EVI5: variants seen among roughly 807,000 people sequenced by gnomAD.
The protein encoded by EVI5 is ecotropic viral integration site 5 protein homolog.
A neutral mutation model predicts 112.0 loss-of-function variants in EVI5; 73 were observed. The observed-to-expected ratio is 0.65, with a 90% CI of 0.54 to 0.79. The LOEUF (loss-of-function observed/expected upper bound fraction) is 0.79. EVI5 is among the 30% of genes least tolerant of loss of function. The pLI, the probability that EVI5 is intolerant of heterozygous loss-of-function variation, is 0.00. For synonymous variants in EVI5, 305 were observed against 319.9 expected, an observed-to-expected ratio of 0.95 and a Z score of 0.50; for missense variants, 900 against 968.8, an observed-to-expected ratio of 0.93 and a Z score of 0.94.
chr1:92,656,540 CAGA>C (rs1160196722), intron 13 of EVI5, among the ~76,000 whole-genome samples: 1 of 151,438 alleles, frequency 6.6e-6, no homozygotes, highest in Admixed American at 6.6e-5. Context: ...AAGACCATAG[CAGA>C]ACTAAATGAA....
intron 2 of EVI5, among the ~76,000 whole-genome samples, chr1:92,708,933 G>C (rs1412649374): frequency 6.6e-6 from 1 of 152,102 alleles, no homozygotes; most frequent in Non-Finnish European, 1.5e-5. Flanking sequence ...GCTGCTGAGG[G>C]TTGTAGTAGG....
At chr1:92,638,213 A>G (rs1425426321) in intron 13 of EVI5, among the ~76,000 whole-genome samples, 1 of 152,194 alleles carries the variant, frequency 6.6e-6, no homozygotes, top group Non-Finnish European at 1.5e-5. Flanking sequence ...GGCATAAACC[A>G]ACTAATCCAA....
rs528222312 is a variant in EVI5 at position 92,712,243 on chromosome 1, T to A, written c.150-7499A>T. ...AGAAATACTGTAACAATGAGAGAAT[T>A]CAGAGAAGACACAAGGAATTAGGAC... On this transcript the variant is annotated intron_variant, in intron 2 of 19. Transcript: ENST00000684568. 8.5e-5 allele frequency among the ~76,000 whole-genome samples: 13 copies of A among 152,198 alleles called. No individual in the cohort carries two copies. The South Asian group carries it at 2.7e-3, about 32-fold the overall frequency.
intron 14 of EVI5, among the ~76,000 whole-genome samples, chr1:92,626,741 A>C (rs1336469688): frequency 6.6e-6 from 1 of 152,160 alleles, no homozygotes; most frequent in Non-Finnish European, 1.5e-5. Context: ...ACAGGATTAA[A>C]ATTTTTTTCA....
intron 18 of EVI5, among the ~76,000 whole-genome samples, chr1:92,578,579 G>A (rs530332033): frequency 8.2e-4 from 125 of 152,088 alleles, no homozygotes; most frequent in African/African-American, 2.7e-3. Context: ...TTAGCTGGGC[G>A]TGGTGGCGGG....
chr1:92,523,015 T>G (rs1356027445), intron 19 of EVI5, among the ~76,000 whole-genome samples: 1 of 152,154 alleles, frequency 6.6e-6, no homozygotes, highest in Non-Finnish European at 1.5e-5. Flanking sequence ...CACCTCAGCC[T>G]TCCAAGGTGG....
In EVI5 at chr1:92,778,574, A is replaced by C. The variant is rs950613420; in HGVS notation, c.-82+6262T>G. Among the ~76,000 whole-genome samples, 5 of 152,264 alleles carry C rather than the reference A, an allele frequency of 3.3e-5. No homozygotes were observed. In the East Asian group the frequency reaches 9.7e-4, roughly 29 times the overall value. ...ACAACCAGACCTCAACTCTCCAAGC[A>C]GAAAACTGGAAGATACTCTCTGGAA... On this transcript the variant is annotated intron_variant, in intron 1 of 19. Coordinates refer to ENST00000684568, the MANE Select transcript of EVI5 (RefSeq NM_001350197.2).
At chr1:92,626,403 C>T (rs1326604273) in intron 14 of EVI5, among the ~76,000 whole-genome samples, 3 of 152,042 alleles carry the variant, frequency 2.0e-5, no homozygotes, top group African/African-American at 7.3e-5. Flanking sequence ...TATAGATATA[C>T]CACATTTAAT....
chr1:92,563,385 A>C (rs1668933776), intron 19 of EVI5, among the ~76,000 whole-genome samples: 1 of 152,214 alleles, frequency 6.6e-6, no homozygotes, highest in African/African-American at 2.4e-5. Flanking sequence ...CCACAATAAA[A>C]AAATAAAATA....
In EVI5 at chr1:92,639,514, G is replaced by A. The variant is rs143011689; in HGVS notation, c.1393-3178C>T. On this transcript the variant is annotated intron_variant, in intron 13 of 19. Coordinates refer to ENST00000684568, the MANE Select transcript of EVI5 (RefSeq NM_001350197.2). ...GAAAAAAAATTGAAATTAGAAAAAG[G>A]GTTGTCCATGCAAATGTATCCAATA... Among the ~76,000 whole-genome samples the A allele has an allele frequency of 3.6e-4, 54 of 151,968 alleles. No individual in the cohort carries two copies. In the East Asian group the frequency reaches 5.4e-3, roughly 15 times the overall value.
chr1:92,738,147 T>A (rs1677753964), intron 1 of EVI5, among the ~76,000 whole-genome samples: 1 of 152,172 alleles, frequency 6.6e-6, no homozygotes, highest in Non-Finnish European at 1.5e-5. Context: ...AAAGGCCGTA[T>A]AGGAACCAAA....
At position 92,703,427 on chromosome 1, in the gene EVI5, G is replaced by T; in HGVS notation, c.532C>A (p.Leu178Ile). The T allele has an allele frequency of 6.3e-7, 1 of 1,582,078 alleles. No homozygotes were observed. The highest frequency in any genetic ancestry group is 8.5e-7 in the Non-Finnish European group (1 of 1,169,794). ...EHNFFKEKDS[L>I]GQEVLFNVMK... is the part of the protein sequence containing the mutation. The stretch of plus-strand genomic sequence containing the variant: ...ACATTAAATAAAACCTCCTGTCCAA[G>T]GCTATCTTTTTCCTTAAAAAAGTTG... Residue 178 changes from leucine (L) to isoleucine (I), a missense_variant, in exon 4 of 20, where the codon CTT becomes ATT. Coordinates refer to ENST00000684568, the MANE Select transcript of EVI5 (RefSeq NM_001350197.2).
intron 1 of EVI5, among the ~76,000 whole-genome samples, chr1:92,745,321 C>T (rs1181972560): frequency 6.6e-6 from 1 of 152,018 alleles, no homozygotes; most frequent in Non-Finnish European, 1.5e-5. Flanking sequence ...TGTTTGTGTG[C>T]TCTGTGTCAT....
intron 18 of EVI5, among the ~76,000 whole-genome samples, chr1:92,566,115 A>T (rs1669443278): frequency 6.6e-6 from 1 of 151,996 alleles, no homozygotes; most frequent in Non-Finnish European, 1.5e-5. Flanking sequence ...TCATCGACTT[A>T]TTCCTAAAAA....
chr1:92,674,850 T>A (rs1666461808), intron 10 of EVI5, among the ~76,000 whole-genome samples: 1 of 152,094 alleles, frequency 6.6e-6, no homozygotes, highest in African/African-American at 2.4e-5. Flanking sequence ...ATGGAAACAA[T>A]ATTATAAAAA....
chr1:92,647,254 T>C, intron 13 of EVI5: 1 of 176,422 alleles, frequency 5.7e-6, no homozygotes, highest in Non-Finnish European at 1.2e-5. Context: ...ATTTAAGTTA[T>C]CCCACACCTC....
intron 19 of EVI5, among the ~76,000 whole-genome samples, chr1:92,543,030 C>G (rs1204168378): frequency 6.6e-6 from 1 of 152,174 alleles, no homozygotes; most frequent in Non-Finnish European, 1.5e-5. Context: ...TAAATGTGCA[C>G]TTGGCTTCAA....
chr1:92,541,511 G>C (rs553062369), intron 19 of EVI5, among the ~76,000 whole-genome samples: 44 of 152,316 alleles, frequency 2.9e-4, no homozygotes, highest in Middle Eastern at 6.8e-3. Flanking sequence ...TACACAGCTG[G>C]TGGGAATGTA....
chr1:92,607,795 T>C, intron 16 of EVI5, 68 bp from the exon 17 acceptor site: 1 of 994,012 alleles, frequency 1.0e-6, no homozygotes, highest in South Asian at 1.6e-5. Flanking sequence ...AAATTACCTA[T>C]CCATTTTATA....
Sources: allele counts gnomAD v4.1 joint callset (sites outside exome capture counted in the v4.1 genomes callset), GRCh38; gene constraint gnomAD v4.1.1; transcripts MANE v1.5; gene names NCBI Gene and HGNC (gene_info 2026-07-23, HGNC 2026-07-21).